CARHSP1: variants seen among roughly 807,000 people sequenced by gnomAD.
CARHSP1 encodes calcium-regulated heat-stable protein 1.
In CARHSP1, 14 loss-of-function variants were observed where a neutral mutation model predicts 12.5. The observed-to-expected ratio is 1.12, with a 90% CI of 0.74 to 1.75. The LOEUF is 1.75. Ranked by LOEUF, CARHSP1 falls within the 40% of genes most tolerant of loss-of-function variation. The pLI, the probability that CARHSP1 is intolerant of heterozygous loss-of-function variation, is 0.00. For synonymous variants in CARHSP1, 161 were observed against 82.0 expected (o/e 1.96, Z -5.20); for missense variants, 343 against 201.6 (o/e 1.70, Z -4.25).
chr16:8,858,936 G>A (rs2061247923), intron 2 of CARHSP1: 3 of 466,630 alleles, frequency 6.4e-6, no homozygotes, highest in South Asian at 4.2e-5. Flanking sequence ...TCTGACCCCA[G>A]CAACTGCCCA....
intron 2 of CARHSP1, 107 bp from the exon 3 acceptor site, chr16:8,858,579 C>T (rs112446561): frequency 3.3e-4 from 453 of 1,380,412 alleles, no homozygotes; most frequent in Middle Eastern, 1.3e-3. Context: ...TGGCCAGGAC[C>T]GCCATGTACA....
At chr16:8,860,457 T>A in intron 1 of CARHSP1, 1 of 985,384 alleles carries the variant, frequency 1.0e-6, no homozygotes, top group South Asian at 4.7e-5. Flanking sequence ...GAACATTGAA[T>A]ATGAAGGTGT....
intron 2 of CARHSP1, chr16:8,858,925 T>G: frequency 2.2e-6 from 1 of 455,244 alleles, no homozygotes; most frequent in Non-Finnish European, 3.9e-6. Flanking sequence ...AGCCCAGCGA[T>G]TCTGACCCCA....
chr16:8,866,373 G>C (rs2061454772), intron 1 of CARHSP1: 2 of 918,510 alleles, frequency 2.2e-6, no homozygotes, highest in Non-Finnish European at 2.6e-6. Flanking sequence ...AGGTGGAAGG[G>C]AAATGGCGCA....
chr16:8,863,136 T>TC (rs1198489420), intron 1 of CARHSP1, among the ~76,000 whole-genome samples: 5,017 of 127,648 alleles, frequency 0.039, 104 homozygotes, highest in Admixed American at 0.11. Context: ...TTTTTTTTTT[T>TC]TCAGATAGGA....
intron 3 of CARHSP1, among the ~76,000 whole-genome samples, chr16:8,857,286 T>TTTTTTTTG (rs2061162246): frequency 1.6e-5 from 2 of 125,458 alleles, no homozygotes; most frequent in African/African-American, 6.0e-5. Flanking sequence ...TTTTTTTTTT[T>TTTTTTTTG]TTTTTTTTTT....
intron 1 of CARHSP1, among the ~76,000 whole-genome samples, chr16:8,865,907 G>C (rs1446305226): frequency 6.6e-6 from 1 of 152,188 alleles, no homozygotes. Flanking sequence ...TTGTTCAAAT[G>C]CAGATTGCCA....
In CARHSP1 at chr16:8,858,345, C is replaced by T; in HGVS notation, c.281+5G>A. On this transcript the variant is annotated splice_donor_5th_base_variant and intron_variant, in intron 3 of 3. Coordinates refer to ENST00000311052, the MANE Select transcript of CARHSP1 (RefSeq NM_014316.4). ...CCAGGCCACCCAGACCTGCCGCTGACTCACTCAGAGATGTGCAGGAAGATG... is the reference window on the plus strand; with the variant it reads ...CCAGGCCACCCAGACCTGCCGCTGATTCACTCAGAGATGTGCAGGAAGATG... 6.2e-7 allele frequency: 1 copy of T among 1,613,218 alleles called. No homozygotes were observed. The highest frequency in any genetic ancestry group is 2.2e-5 in the East Asian group (1 of 44,888).
chr16:8,861,545 C>A (rs1481283421), intron 1 of CARHSP1: 18 of 1,141,218 alleles, frequency 1.6e-5, no homozygotes, highest in Non-Finnish European at 2.0e-5. Flanking sequence ...AGAAGGGATG[C>A]CCCATCCCTG....
At chr16:8,863,801 T>C (rs989282233) in intron 1 of CARHSP1, among the ~76,000 whole-genome samples, 1 of 152,146 alleles carries the variant, frequency 6.6e-6, no homozygotes, top group Non-Finnish European at 1.5e-5. Flanking sequence ...AGAAGCCAGC[T>C]CTGAGGCCCT....
intron 1 of CARHSP1, among the ~76,000 whole-genome samples, chr16:8,863,380 T>A (rs1317841266): frequency 6.6e-6 from 1 of 152,160 alleles, no homozygotes. Context: ...CCCAAAGTGC[T>A]GGGATTACAG....
rs372579050 is a variant in CARHSP1, at chr16:8,853,575, T to C, written c.*1589A>G. On this transcript the variant is annotated 3_prime_UTR_variant, in exon 4 of 4. Transcript: ENST00000311052. ...TTGAGGAGTACCTACCTGATGAAGC[T>C]GTTCATGCTTCCAGCATCAAACTGG... The C allele has an allele frequency of 1.3e-5, 2 of 152,236 alleles. No homozygotes were observed. Among genetic ancestry groups the C allele is most frequent in the African/African-American group, 4.8e-5 (2 of 41,464 alleles). 9.4% of individuals were successfully genotyped at this position (152,236 alleles called of 1,614,324 possible). A position where few individuals can be genotyped will look rare whatever the true frequency, so the allele number is the denominator to read the frequency against.
chr16:8,860,474 T>C, intron 1 of CARHSP1: 1 of 985,434 alleles, frequency 1.0e-6, no homozygotes, highest in Non-Finnish European at 1.2e-6. Flanking sequence ...GTGTCGGCTC[T>C]AACGTGGCCT....
At chr16:8,855,901 C>G (rs543189205) in intron 3 of CARHSP1, among the ~76,000 whole-genome samples, 34 of 152,334 alleles carry the variant, frequency 2.2e-4, no homozygotes, top group African/African-American at 7.9e-4. Context: ...CAGCTTACTG[C>G]ATCCACCTCC....
intron 1 of CARHSP1, among the ~76,000 whole-genome samples, chr16:8,861,308 C>T (rs926887989): frequency 7.3e-5 from 11 of 150,872 alleles, no homozygotes; most frequent in Non-Finnish European, 1.3e-4. Flanking sequence ...CATGAACCAC[C>T]ATGCCCGGCC....
intron 1 of CARHSP1, chr16:8,861,550 T>C: frequency 8.4e-7 from 1 of 1,194,796 alleles, no homozygotes; most frequent in South Asian, 1.3e-5. Flanking sequence ...GGATGCCCCA[T>C]CCCTGAAATG....
chr16:8,861,049 C>CA (rs543777644), intron 1 of CARHSP1, among the ~76,000 whole-genome samples: 23 of 75,244 alleles, frequency 3.1e-4, no homozygotes, highest in African/African-American at 7.3e-4. Context: ...GACTCCGTCT[C>CA]AAAAAAAAAT....
chr16:8,866,407 G>C (rs1201231747), intron 1 of CARHSP1: 2 of 982,482 alleles, frequency 2.0e-6, no homozygotes, highest in African/African-American at 1.7e-5. Context: ...GACTCTAGCA[G>C]AGTAGCGAAG....
chr16:8,858,760 TTTACTA>T (rs1200905464), intron 2 of CARHSP1: 6 of 459,092 alleles, frequency 1.3e-5, no homozygotes, highest in African/African-American at 7.7e-5. Flanking sequence ...AAACTAATGA[TTTACTA>T]TTAATAACAC....
Sources: gnomAD v4.1 joint callset for allele counts (sites outside exome capture counted in the v4.1 genomes callset) on GRCh38, gnomAD v4.1.1 for gene constraint, MANE v1.5 for transcripts, NCBI Gene and HGNC (gene_info 2026-07-23, HGNC 2026-07-21) for gene names.